Variants in ZFP69 observed in about 807,000 individuals in gnomAD.
ZFP69 encodes the protein zinc finger protein 69 homolog.
Under a neutral mutation model 48.9 loss-of-function variants are expected in ZFP69, and 35 were observed. The ratio of observed to expected loss-of-function variants is 0.72; its 90% CI spans 0.55 to 0.95. ZFP69 has a LOEUF of 0.95. Among genes scored for constraint, ZFP69 ranks in the 40% least tolerant of loss-of-function variants. The pLI, the probability that ZFP69 is intolerant of heterozygous loss-of-function variation, is 0.00. For synonymous variants in ZFP69, 193 were observed against 216.8 expected (o/e 0.89, Z 0.96); for missense variants, 557 against 638.4 (o/e 0.87, Z 1.37).
In ZFP69 at chr1:40,495,292, G is replaced by T. The variant is rs1248537483; in HGVS notation, c.814G>T (p.Glu272Ter). Residue 272 changes from glutamate to a stop codon, truncating the protein, a stop_gained, in exon 6 of 6, where the codon GAA (glutamate) becomes TAA (stop). Coordinates refer to ENST00000372706, the MANE Select transcript of ZFP69 (RefSeq NM_001320179.2). LOFTEE classifies it high-confidence loss of function. ...PTSYIRTKTY[E>*]CNICEKIFKQ... ...AAGTTACATAAGAACAAAAACCTAT[G>T]AATGTAATATATGTGAAAAAATCTT... The T allele has an allele frequency of 6.2e-7, 1 of 1,613,978 alleles. No homozygotes were observed. Among genetic ancestry groups the T allele is most frequent in the Non-Finnish European group, 8.5e-7 (1 of 1,179,974 alleles).
chr1:40,484,784 T>C (rs1200073827), intron 3 of ZFP69, among the ~76,000 whole-genome samples: 1 of 151,042 alleles, frequency 6.6e-6, no homozygotes, highest in African/African-American at 2.4e-5. Context: ...GGTTTTACTG[T>C]GTTAGCCAGG....
intron 3 of ZFP69, 106 bp from the exon 4 acceptor site, chr1:40,488,982 G>GA: frequency 2.1e-6 from 3 of 1,436,024 alleles, no homozygotes; most frequent in Non-Finnish European, 2.9e-6. Flanking sequence ...GAAGGCTCCT[G>GA]ATAAAAGTAA....
At chr1:40,493,208 A>AGAG (rs1222159432) in intron 5 of ZFP69, 1 of 146,584 alleles carries the variant, frequency 6.8e-6, no homozygotes, top group African/African-American at 2.6e-5. Context: ...CTGGGCAACA[A>AGAG]GAGTGAAACT....
At chr1:40,481,728 G>A in intron 2 of ZFP69, 35 bp from the exon 3 acceptor site, 1 of 1,528,918 alleles carries the variant, frequency 6.5e-7, no homozygotes, top group Non-Finnish European at 8.9e-7. Flanking sequence ...GAGATTTGGG[G>A]AGATGCAAAG....
At position 40,489,139 on chromosome 1, in the gene ZFP69, G is replaced by A. The variant is rs1018778213; in HGVS notation, c.271G>A (p.Gly91Arg). The A allele has an allele frequency of 1.7e-5, 28 of 1,613,880 alleles. No homozygotes were observed. The highest frequency in any genetic ancestry group is 2.4e-5 in the Non-Finnish European group (28 of 1,180,018). ...TATTGACTTCACCCAGGAAGAGTGG[G>A]GGCAGCTGGCTCCTGCTCACCAGAA... is the stretch of plus-strand genomic sequence containing the variant. ...ISIDFTQEEW[G>R]QLAPAHQNLY... Residue 91 changes from glycine to arginine, a missense_variant, in exon 4 of 6, where the codon GGG becomes AGG. Physicochemically the swap from Gly to Arg is moderately radical, Grantham distance 125 (BLOSUM62 -2). Coordinates refer to ENST00000372706, the MANE Select transcript of ZFP69 (RefSeq NM_001320179.2).
At position 40,477,916 on chromosome 1, in the gene ZFP69, G is replaced by A. The variant is rs1645405564; in HGVS notation, c.-327+22G>A. On this transcript the variant is annotated intron_variant, in intron 1 of 5. Coordinates refer to ENST00000372706, the MANE Select transcript of ZFP69 (RefSeq NM_001320179.2). This position sits in a 1 kb window ranked among gnomAD's most constrained non-coding sequence, Gnocchi z 4.0. ...TGTGGTGAGTAGGAGTCTGTGTGCA[G>A]TCTTTGAGTCCGAGGGTGGCATGTC... The A allele has an allele frequency of 6.6e-6, 1 of 152,560 alleles. No individual in the cohort carries two copies. The highest frequency in any genetic ancestry group is 6.5e-5 in the Admixed American group (1 of 15,286). The allele number at this position is 152,560 out of a possible 1,614,324, so 9.5% of individuals were successfully genotyped here.
chr1:40,480,991 T>C (rs1306131834), intron 2 of ZFP69, among the ~76,000 whole-genome samples: 2 of 152,184 alleles, frequency 1.3e-5, no homozygotes, highest in African/African-American at 2.4e-5. Flanking sequence ...ATATTTTTAG[T>C]AGAGCTGGGG....
chr1:40,483,405 A>G (rs919709862), intron 3 of ZFP69, among the ~76,000 whole-genome samples: 3 of 151,888 alleles, frequency 2.0e-5, no homozygotes, highest in African/African-American at 7.2e-5. Context: ...AATTAAAAAA[A>G]TGACAGAAAA....
At chr1:40,490,263 G>A (rs1018857989) in intron 5 of ZFP69, among the ~76,000 whole-genome samples, 18 of 152,188 alleles carry the variant, frequency 1.2e-4, no homozygotes, top group African/African-American at 4.3e-4. Flanking sequence ...CCACCCCCAT[G>A]ACCCAACACT....
At chr1:40,481,339 T>C (rs1382052832) in intron 2 of ZFP69, among the ~76,000 whole-genome samples, 8 of 152,180 alleles carry the variant, frequency 5.3e-5, no homozygotes. Flanking sequence ...TGAGAAAATA[T>C]GCTTTGGGCA....
intron 3 of ZFP69, among the ~76,000 whole-genome samples, chr1:40,484,742 TA>T (rs1645477637): frequency 6.6e-6 from 1 of 151,536 alleles, no homozygotes; most frequent in African/African-American, 2.4e-5. Context: ...CACACCCGGC[TA>T]ATTTTTTTTT....
rs1645402522 is a variant in ZFP69, at chr1:40,477,688, C to G, written c.-533C>G. ...GGAGGCCGAGGGTCCTCCGGGCTTC[C>G]GAAGGAAGCCGACCTCAACGCTGGA... On this transcript the variant is annotated 5_prime_UTR_variant, in exon 1 of 6. Transcript: ENST00000372706. This position sits in a 1 kb window ranked among gnomAD's most constrained non-coding sequence, Gnocchi z 4.0. 1.3e-5 allele frequency: 2 copies of G among 152,066 alleles called. No individual in the cohort carries two copies. The highest frequency in any genetic ancestry group is 4.8e-5 in the African/African-American group (2 of 41,388). 9.4% of individuals were successfully genotyped at this position (152,066 alleles called of 1,614,324 possible).
intron 2 of ZFP69, among the ~76,000 whole-genome samples, 173 bp downstream of exon 2, chr1:40,479,661 C>G (rs1328490109): frequency 6.6e-6 from 1 of 152,164 alleles, no homozygotes; most frequent in Non-Finnish European, 1.5e-5. Context: ...CCAGCATGGA[C>G]TCCTTGTGAC....
In ZFP69 at chr1:40,489,130, G is replaced by T; in HGVS notation, c.262G>T (p.Glu88Ter). 1 of 1,613,954 alleles carries T rather than the reference G, an allele frequency of 6.2e-7. No homozygotes were observed. Among genetic ancestry groups the T allele is most frequent in the Non-Finnish European group, 8.5e-7 (1 of 1,179,998 alleles). Residue 88 changes from glutamate to a stop codon, truncating the protein, a stop_gained, in exon 4 of 6, where the codon GAA becomes TAA. Transcript: ENST00000372706. LOFTEE classifies it high-confidence loss of function. Reference sequence around the variant, plus strand: ...GGACATATCTATTGACTTCACCCAGGAAGAGTGGGGGCAGCTGGCTCCTGC... The same window carrying T: ...GGACATATCTATTGACTTCACCCAGTAAGAGTGGGGGCAGCTGGCTCCTGC... ...FKDISIDFTQ[E>*]EWGQLAPAHQ...
At chr1:40,494,713 A>AATATATATCAAATATATATATAT (rs1645609878) in intron 5 of ZFP69, among the ~76,000 whole-genome samples, 1 of 137,494 alleles carries the variant, frequency 7.3e-6, no homozygotes, top group Non-Finnish European at 1.6e-5. Context: ...TATATATATA[A>AATATATATCAAATATATATATAT]ATATATATCA....
chr1:40,485,313 T>C (rs1031452431), intron 3 of ZFP69, among the ~76,000 whole-genome samples: 3 of 151,926 alleles, frequency 2.0e-5, no homozygotes, highest in African/African-American at 7.2e-5. Context: ...ACATTACACA[T>C]GTTACAAAAG....
chr1:40,484,484 C>T (rs1245495643), intron 3 of ZFP69, among the ~76,000 whole-genome samples: 4 of 152,192 alleles, frequency 2.6e-5, no homozygotes, highest in Non-Finnish European at 4.4e-5. Context: ...CAGGTGTGAG[C>T]CACCGTGCCC....
chr1:40,481,304 G>A (rs55911327), intron 2 of ZFP69, among the ~76,000 whole-genome samples: 1 of 152,048 alleles, frequency 6.6e-6, no homozygotes, highest in Non-Finnish European at 1.5e-5. Flanking sequence ...GTGTGTCCCA[G>A]GTATAAAGTA....
intron 3 of ZFP69, among the ~76,000 whole-genome samples, chr1:40,484,263 G>C (rs779954444): frequency 2.7e-5 from 4 of 150,328 alleles, no homozygotes; most frequent in Non-Finnish European, 5.9e-5. Flanking sequence ...GCAGTGGTGC[G>C]ATCTCAGCTC....
Sources: allele counts gnomAD v4.1 joint callset (sites outside exome capture counted in the v4.1 genomes callset), GRCh38; gene constraint gnomAD v4.1.1; non-coding constraint Gnocchi (gnomAD v3.1); transcripts MANE v1.5; gene names NCBI Gene and HGNC (gene_info 2026-07-23, HGNC 2026-07-21).